Variants in FRS3 observed in about 807,000 individuals in gnomAD.
FRS3 encodes FGFR substrate 3.
A neutral mutation model predicts 41.9 loss-of-function variants in FRS3; 17 were observed. The ratio of observed to expected loss-of-function variants is 0.41; its 90% CI spans 0.28 to 0.61. FRS3 has a LOEUF of 0.61. Ranked by LOEUF, FRS3 falls within the 20% of genes least tolerant of loss-of-function variation. The pLI is 0.36. For synonymous variants in FRS3, 287 were observed against 274.5 expected (o/e 1.05, Z -0.45); for missense variants, 619 against 672.1 (o/e 0.92, Z 0.87).
chr6:41,772,787 G>A lies in FRS3; in HGVS notation c.415+11C>T, dbSNP rs534645981. ...GTGTGTGTGTGTGTGTGTACACTGG[G>A]GTCTCCTCACCATTGGGTGGCTGGG... On this transcript the variant is annotated intron_variant, in intron 5 of 6. Transcript: ENST00000373018. The A allele has an allele frequency of 4.9e-5, 66 of 1,339,608 alleles. No homozygotes were observed. The highest frequency in any genetic ancestry group is 6.2e-5 in the Non-Finnish European group (62 of 996,662). 83.0% of individuals were successfully genotyped at this position (1,339,608 alleles called of 1,614,324 possible).
At position 41,771,259 on chromosome 6, in the gene FRS3, G is replaced by A. The variant is rs1772284192; in HGVS notation, c.839C>T (p.Pro280Leu). Residue 280 changes from proline to leucine, a missense_variant, in exon 7 of 7, where the codon CCA (proline) becomes CTA (leucine). By Grantham distance (98) the Pro-to-Leu change is moderately conservative. This residue lies in a region of FRS3 where 487 missense variants were observed against 478.3 expected (regional missense o/e 1.02). Transcript: ENST00000373018. ...CTCGTAGGTGCACTTGGGCTGGGCTGGACACTCAGAAGGGGCCTCATTGTT... is the reference window on the plus strand; with the variant it reads ...CTCGTAGGTGCACTTGGGCTGGGCTAGACACTCAGAAGGGGCCTCATTGTT... ...NNNNEAPSEC[P>L]AQPKCTYENV... 2 of 1,607,410 alleles carry A rather than the reference G, an allele frequency of 1.2e-6. No individual in the cohort carries two copies. Among genetic ancestry groups the A allele is most frequent in the South Asian group, 1.1e-5 (1 of 90,378 alleles).
At chr6:41,776,641 G>C in intron 3 of FRS3, 1 of 381,916 alleles carries the variant, frequency 2.6e-6, no homozygotes, top group Non-Finnish European at 4.7e-6. Flanking sequence ...AAAAGGGGGG[G>C]GGATATATAA....
chr6:41,778,115 G>C lies in FRS3; in HGVS notation c.-106C>G, dbSNP rs186826681. ...TTATTCCCCCCGTCCTTGGTGGGCT[G>C]TCATGGCAAACAGTCTGCAGAGAAG... On this transcript the variant is annotated 5_prime_UTR_variant, in exon 2 of 7. Transcript: ENST00000373018. 6 of 152,786 alleles carry C rather than the reference G, an allele frequency of 3.9e-5. No homozygotes were observed. The highest frequency in any genetic ancestry group is 3.9e-4 in the Admixed American group (6 of 15,298). The allele number at this position is 152,786 out of a possible 1,614,324, so 9.5% of individuals were successfully genotyped here. A position where few individuals can be genotyped will look rare whatever the true frequency, so the allele number is the denominator to read the frequency against.
Position 41,770,390 on chromosome 6 carries a change from G to A in FRS3, c.*229C>T, listed in dbSNP as rs1281425362. On this transcript the variant is annotated 3_prime_UTR_variant, in exon 7 of 7. Transcript: ENST00000373018. ...AGGAACCCTTCACAGTTGACGTCTC[G>A]GCTCCCTCCTCGCCTGGTCACCCTT... is the stretch of plus-strand genomic sequence containing the variant. 2.2e-5 allele frequency: 13 copies of A among 585,014 alleles called. No individual in the cohort carries two copies. The highest frequency in any genetic ancestry group is 4.5e-4 in the Middle Eastern group (1 of 2,224). The allele number at this position is 585,014 out of a possible 1,614,324, so 36.2% of individuals were successfully genotyped here. A position where few individuals can be genotyped will look rare whatever the true frequency, so the allele number is the denominator to read the frequency against.
In FRS3 at chr6:41,776,871, G is replaced by A. The variant is rs1049848654; in HGVS notation, c.66+51C>T. 8.5e-6 allele frequency: 12 copies of A among 1,419,250 alleles called. No individual in the cohort carries two copies. The African/African-American group carries it at 9.8e-5, about 12-fold the overall frequency. The allele number at this position is 1,419,250 out of a possible 1,614,324, so 87.9% of individuals were successfully genotyped here. On this transcript the variant is annotated intron_variant, in intron 3 of 6. Transcript: ENST00000373018. ...GAGGCAACTCCATTAAATTGTGTCT[G>A]AGCCCAAGAGGCCATGTTGGGAACA...
At chr6:41,772,171 CA>C (rs1391849210) in intron 5 of FRS3, among the ~76,000 whole-genome samples, 1 of 152,186 alleles carries the variant, frequency 6.6e-6, no homozygotes, top group Non-Finnish European at 1.5e-5. Context: ...CCCTCAAGCT[CA>C]GCTTGAAGCA....
Position 41,770,822 on chromosome 6 carries a change from C to T in FRS3, c.1276G>A (p.Gly426Ser), listed in dbSNP as rs1772268063. The T allele has an allele frequency of 6.2e-7, 1 of 1,610,630 alleles. No individual in the cohort carries two copies. The highest frequency in any genetic ancestry group is 1.1e-5 in the South Asian group (1 of 91,072). The change falls in exon 7 of 7, where the codon GGT becomes AGT. Residue 426 changes from glycine to serine, a missense_variant. Physicochemically the swap from Gly to Ser is moderately conservative, Grantham distance 56. This residue lies in a region of FRS3 where 487 missense variants were observed against 478.3 expected (regional missense o/e 1.02). Coordinates refer to ENST00000373018, the MANE Select transcript of FRS3 (RefSeq NM_006653.5). Reference protein sequence around the residue: ...NYIQVELKGWGGDRPKGPQNP... With the variant: ...NYIQVELKGWSGDRPKGPQNP... The stretch of plus-strand genomic sequence containing the variant: ...TGGGGCCCCTTAGGGCGGTCTCCAC[C>T]CCAGCCCTTTAGCTCCACCTGGATG...
intron 5 of FRS3, among the ~76,000 whole-genome samples, chr6:41,772,533 G>A (rs532351037): frequency 2.9e-4 from 44 of 152,136 alleles, no homozygotes; most frequent in Non-Finnish European, 4.6e-4. Flanking sequence ...CCAATTCTAC[G>A]GAAACCCAAA....
In FRS3 at chr6:41,770,262, C is replaced by T. The variant is rs1772249760; in HGVS notation, c.*357G>A. 9.2e-6 allele frequency: 2 copies of T among 216,766 alleles called. No homozygotes were observed. Among genetic ancestry groups the T allele is most frequent in the African/African-American group, 4.6e-5 (2 of 43,652 alleles). The allele number at this position is 216,766 out of a possible 1,614,324, so 13.4% of individuals were successfully genotyped here. A position where few individuals can be genotyped will look rare whatever the true frequency, so the allele number is the denominator to read the frequency against. ...AGAAAAATAAACTGATAAATAAAAT[C>T]AACAGGTACAAAATGTTTCAAAATT... On this transcript the variant is annotated 3_prime_UTR_variant, in exon 7 of 7. Transcript: ENST00000373018.
At position 41,771,422 on chromosome 6, in the gene FRS3, G is replaced by T. The variant is rs45465093; in HGVS notation, c.676C>A (p.Pro226Thr). The T allele has an allele frequency of 4.4e-3, 7,137 of 1,613,126 alleles. 29 individuals carry two copies. The highest frequency in any genetic ancestry group is 5.6e-3 in the Non-Finnish European group (6,574 of 1,179,500). Residue 226 changes from proline (P) to threonine (T), a missense_variant, in exon 7 of 7, where the codon CCT becomes ACT. Pro to Thr is a conservative substitution (Grantham distance 38). Transcript: ENST00000373018. ...AACACCTGTGGGTCCCGTTGGTCAG[G>T]TCCCCGGGCCTGCGGGAGGAAGGGT... Reference protein sequence around the residue: ...QAPFLPQARGPDQRDPQVFLQ... With the variant: ...QAPFLPQARGTDQRDPQVFLQ...
At chr6:41,772,018 C>G in intron 5 of FRS3, 54 bp from the exon 6 acceptor site, 1 of 1,429,066 alleles carries the variant, frequency 7.0e-7, no homozygotes, top group Non-Finnish European at 9.4e-7. Context: ...ACCTGACAAC[C>G]ACTTGCAGCT....
chr6:41,771,243 G>A lies in FRS3; in HGVS notation c.855C>T (p.Cys285=), dbSNP rs1257905132. Residue 285 remains cysteine, a synonymous_variant, in exon 7 of 7, where the codon TGC becomes TGT. Coordinates refer to ENST00000373018, the MANE Select transcript of FRS3 (RefSeq NM_006653.5). Reference sequence around the variant, plus strand: ...GCCCCCCGGTGACGTTCTCGTAGGTGCACTTGGGCTGGGCTGGACACTCAG... The same window carrying A: ...GCCCCCCGGTGACGTTCTCGTAGGTACACTTGGGCTGGGCTGGACACTCAG... The part of the protein sequence containing the change: ...APSECPAQPK[C]TYENVTGGLW... 1.9e-6 allele frequency: 3 copies of A among 1,596,390 alleles called. No homozygotes were observed. The highest frequency in any genetic ancestry group is 1.7e-6 in the Non-Finnish European group (2 of 1,168,700).
At chr6:41,775,945 T>C (rs1007935479) in intron 3 of FRS3, among the ~76,000 whole-genome samples, 1 of 152,178 alleles carries the variant, frequency 6.6e-6, no homozygotes, top group African/African-American at 2.4e-5. Context: ...CAGATGTTAA[T>C]GGGGAAGGGG....
intron 6 of FRS3, 113 bp from the exon 7 acceptor site, chr6:41,771,646 TC>T (rs1371196187): frequency 1.7e-6 from 2 of 1,166,470 alleles, no homozygotes; most frequent in Non-Finnish European, 2.4e-6. Context: ...AGTTTCTTCT[TC>T]CTTGTCCTCC....
chr6:41,774,036 G>A (rs898107562), intron 4 of FRS3, among the ~76,000 whole-genome samples: 2 of 151,912 alleles, frequency 1.3e-5, no homozygotes, highest in African/African-American at 2.4e-5. Flanking sequence ...TGCAAGCTCC[G>A]CCTCCCGGGT....
rs938890112 is a variant in FRS3 at position 41,776,615 on chromosome 6, T to C, written c.66+307A>G. The C allele has an allele frequency of 2.7e-5, 9 of 335,218 alleles. No homozygotes were observed. In the East Asian group the frequency reaches 4.8e-4, roughly 18 times the overall value. 20.8% of individuals were successfully genotyped at this position (335,218 alleles called of 1,614,324 possible). ...ATATTAACTCACAAATACAGAATTT[T>C]GTTTTCTCTAAAAAAAAAAGGGGGG... On this transcript the variant is annotated intron_variant, in intron 3 of 6. Coordinates refer to ENST00000373018, the MANE Select transcript of FRS3 (RefSeq NM_006653.5).
chr6:41,776,707 T>C, intron 3 of FRS3: 1 of 520,064 alleles, frequency 1.9e-6, no homozygotes, highest in Non-Finnish European at 3.5e-6. Flanking sequence ...CATTTCTTCA[T>C]TCTTGGTAGT....
In FRS3 at chr6:41,771,245, A is replaced by G; in HGVS notation, c.853T>C (p.Cys285Arg). The change falls in exon 7 of 7, where the codon TGC becomes CGC. Residue 285 changes from cysteine to arginine, a missense_variant. By Grantham distance (180) the Cys-to-Arg change is radical. Transcript: ENST00000373018. ...CCCCCGGTGACGTTCTCGTAGGTGC[A>G]CTTGGGCTGGGCTGGACACTCAGAA... ...APSECPAQPK[C>R]TYENVTGGLW... 6.3e-7 allele frequency: 1 copy of G among 1,598,560 alleles called. No homozygotes were observed. Among genetic ancestry groups the G allele is most frequent in the Non-Finnish European group, 8.5e-7 (1 of 1,169,964 alleles).
Position 41,771,117 on chromosome 6 carries a change from T to C in FRS3, c.981A>G (p.Pro327=). The change falls in exon 7 of 7, where the codon CCA becomes CCG. Residue 327 remains proline, a synonymous_variant. Transcript: ENST00000373018. The stretch of plus-strand genomic sequence containing the variant: ...CTTGGCTTTCCCACACAGGGGGCAG[T>C]GGGGGCAGGTTCTCATAGTGCAGCA... ...AALLHYENLP[P]LPPVWESQAQ... The C allele has an allele frequency of 1.9e-6, 3 of 1,580,410 alleles. No individual in the cohort carries two copies. Among genetic ancestry groups the C allele is most frequent in the East Asian group, 2.2e-5 (1 of 44,478 alleles).
Sources: allele counts gnomAD v4.1 joint callset (sites outside exome capture counted in the v4.1 genomes callset), GRCh38; gene constraint gnomAD v4.1.1; regional missense constraint gnomAD v4.1.1; transcripts MANE v1.5; gene names NCBI Gene and HGNC (gene_info 2026-07-23, HGNC 2026-07-21).